The following FSTL5 variants were observed in gnomAD, a reference collection of about 807,000 sequenced individuals.
The protein encoded by FSTL5 is follistatin-related protein 5.
Under a neutral mutation model 89.1 loss-of-function variants are expected in FSTL5, and 62 were observed. The observed-to-expected ratio is 0.70, with a 90% CI of 0.57 to 0.86. The LOEUF (loss-of-function observed/expected upper bound fraction) is 0.86. Ranked by LOEUF, FSTL5 falls within the 40% of genes least tolerant of loss-of-function variation. The pLI is 0.00. For missense variants in FSTL5, 1,057 were observed against 1,001.6 expected, an observed-to-expected ratio of 1.06 and a Z score of -0.75; for synonymous variants, 383 against 346.2, an observed-to-expected ratio of 1.11 and a Z score of -1.18.
At chr4:162,103,403 G>A (rs1254241872) in intron 2 of FSTL5, among the ~76,000 whole-genome samples, 2 of 152,192 alleles carry the variant, frequency 1.3e-5, no homozygotes, top group Non-Finnish European at 2.9e-5. Context: ...TTGGCCTTAA[G>A]CAAATGTATT....
chr4:161,920,023 T>G (rs564919557), intron 4 of FSTL5, among the ~76,000 whole-genome samples: 3 of 152,310 alleles, frequency 2.0e-5, no homozygotes, highest in African/African-American at 7.2e-5. Flanking sequence ...AGGAATGAAA[T>G]GTTATCACAG....
chr4:161,572,702 G>GC (rs1425296657), intron 8 of FSTL5, among the ~76,000 whole-genome samples: 1 of 152,044 alleles, frequency 6.6e-6, no homozygotes, highest in Non-Finnish European at 1.5e-5. Flanking sequence ...GCACAGACTG[G>GC]AGCAAGAACA....
intron 4 of FSTL5, among the ~76,000 whole-genome samples, chr4:161,875,310 A>G (rs1034881980): frequency 6.6e-6 from 1 of 152,140 alleles, no homozygotes; most frequent in African/African-American, 2.4e-5. Flanking sequence ...GCTGTCCCCA[A>G]CAAATCAGGC....
intron 3 of FSTL5, among the ~76,000 whole-genome samples, chr4:161,923,482 T>C (rs1734045981): frequency 6.6e-6 from 1 of 151,892 alleles, no homozygotes; most frequent in Non-Finnish European, 1.5e-5. Context: ...ATAGAGTCTA[T>C]ATGGGGCTGC....
intron 13 of FSTL5, among the ~76,000 whole-genome samples, chr4:161,468,241 T>G (rs1477791253): frequency 1.6e-5 from 2 of 122,658 alleles, no homozygotes; most frequent in Non-Finnish European, 3.5e-5. Flanking sequence ...ATTAAGTGCC[T>G]ACATTTTTTT....
Position 161,430,877 on chromosome 4 carries a change from C to A in FSTL5, c.1841+24127G>T, listed in dbSNP as rs552137760. ...TTGGCAGCAGACTTTTCAGTGGAAA[C>A]CTTATTGGCTAAGAGAGAGTGGCAT... On this transcript the variant is annotated intron_variant, in intron 15 of 15. Transcript: ENST00000306100. 4.0e-4 allele frequency among the ~76,000 whole-genome samples: 61 copies of A among 152,154 alleles called. No homozygotes were observed. The East Asian group carries it at 7.3e-3, about 18-fold the overall frequency.
chr4:161,497,620 ATATAG>A (rs75484553), intron 12 of FSTL5, among the ~76,000 whole-genome samples: 26,719 of 151,806 alleles, frequency 0.18, 2,577 homozygotes, highest in East Asian at 0.37. Flanking sequence ...AAACTTTTTA[ATATAG>A]TATAAGAATG....
rs1454171576 is a variant in FSTL5, at chr4:161,981,615, T to C, written c.160+52010A>G. Among the ~76,000 whole-genome samples, 4 of 152,326 alleles carry C rather than the reference T, an allele frequency of 2.6e-5. No homozygotes were observed. The East Asian group carries it at 7.7e-4, about 29-fold the overall frequency. On this transcript the variant is annotated intron_variant, in intron 3 of 15. Coordinates refer to ENST00000306100, the MANE Select transcript of FSTL5 (RefSeq NM_020116.5). ...ATTATACTTTCTTGTGTTTCCATAATGACATATGATTGTATTCTCAACACA... is the reference window on the plus strand; with the variant it reads ...ATTATACTTTCTTGTGTTTCCATAACGACATATGATTGTATTCTCAACACA...
intron 6 of FSTL5, among the ~76,000 whole-genome samples, chr4:161,720,331 G>T (rs765151803): frequency 1.6e-4 from 24 of 151,958 alleles, no homozygotes; most frequent in Non-Finnish European, 3.2e-4. Context: ...CCTTATACCT[G>T]TTACGATAGC....
intron 4 of FSTL5, among the ~76,000 whole-genome samples, chr4:161,869,264 A>G (rs1327075295): frequency 6.6e-6 from 1 of 152,234 alleles, no homozygotes; most frequent in African/African-American, 2.4e-5. Flanking sequence ...AAATGTAGTG[A>G]TGTATGCAAA....
chr4:161,544,880 A>G (rs937690254), intron 8 of FSTL5, among the ~76,000 whole-genome samples: 7 of 151,994 alleles, frequency 4.6e-5, no homozygotes, highest in African/African-American at 1.4e-4. Context: ...ATTAGGTAAA[A>G]TAATTTTCTT....
chr4:161,475,843 G>A (rs1481975392), intron 13 of FSTL5, among the ~76,000 whole-genome samples: 1 of 151,794 alleles, frequency 6.6e-6, no homozygotes, highest in African/African-American at 2.4e-5. Flanking sequence ...TCCGCTTCCT[G>A]GGTTCACACC....
At chr4:161,978,974 T>C (rs550049897) in intron 3 of FSTL5, among the ~76,000 whole-genome samples, 1 of 152,244 alleles carries the variant, frequency 6.6e-6, no homozygotes, top group East Asian at 1.9e-4. Flanking sequence ...TATTTTTGTC[T>C]TTGAACCAGA....
intron 4 of FSTL5, among the ~76,000 whole-genome samples, chr4:161,834,354 G>C (rs1237218554): frequency 2.0e-5 from 3 of 152,076 alleles, no homozygotes; most frequent in Non-Finnish European, 4.4e-5. Flanking sequence ...CATACTGAAT[G>C]GGCAAAAACT....
rs1735446217 is a variant in FSTL5, at chr4:161,970,305, G to GAGT, written c.161-49654_161-49653insACT. 2.0e-5 allele frequency among the ~76,000 whole-genome samples: 3 copies of GAGT among 152,012 alleles called. No homozygotes were observed. The South Asian group carries it at 6.2e-4, about 32-fold the overall frequency. On this transcript the variant is annotated intron_variant, in intron 3 of 15. Coordinates refer to ENST00000306100, the MANE Select transcript of FSTL5 (RefSeq NM_020116.5). ...ATTCTATATTTAGCAAGTTTATCTT[G>GAGT]ATATATCAGTAATAATATTTTCCAG...
intron 8 of FSTL5, among the ~76,000 whole-genome samples, chr4:161,558,582 C>T (rs1168340028): frequency 6.6e-6 from 1 of 151,828 alleles, no homozygotes; most frequent in Non-Finnish European, 1.5e-5. Context: ...TCCTCTGTTC[C>T]TGGTCCCTAG....
chr4:161,788,603 G>T (rs935632467), intron 4 of FSTL5, among the ~76,000 whole-genome samples: 1 of 152,222 alleles, frequency 6.6e-6, no homozygotes, highest in Non-Finnish European at 1.5e-5. Context: ...AACAACACCT[G>T]TGCAGGGCAT....
At chr4:162,062,272 C>T (rs13111431) in intron 2 of FSTL5, among the ~76,000 whole-genome samples, 126,730 of 151,814 alleles carry the variant, frequency 0.83, 53,292 homozygotes, top group Middle Eastern at 0.96. Context: ...TTCTAAATAG[C>T]AGTTGAATAG....
intron 13 of FSTL5, among the ~76,000 whole-genome samples, chr4:161,473,578 G>T (rs900722864): frequency 1.4e-4 from 22 of 151,900 alleles, no homozygotes; most frequent in Admixed American, 5.9e-4. Context: ...ACAGGTGCGT[G>T]TCACCACACC....
Sources: gnomAD v4.1 joint callset for allele counts (sites outside exome capture counted in the v4.1 genomes callset) on GRCh38, gnomAD v4.1.1 for gene constraint, MANE v1.5 for transcripts, NCBI Gene and HGNC (gene_info 2026-07-23, HGNC 2026-07-21) for gene names.